ZSWIM9: variants seen among roughly 807,000 people sequenced by gnomAD.
ZSWIM9 encodes zinc finger SWIM-type containing 9.
ZSWIM9 carries 11 observed loss-of-function variants against 25.0 expected under a neutral mutation model. That is an observed-to-expected ratio of 0.44 (90% CI 0.28 to 0.73). The LOEUF (loss-of-function observed/expected upper bound fraction) is 0.73. Ranked by LOEUF, ZSWIM9 falls within the 30% of genes least tolerant of loss-of-function variation. ZSWIM9 has a pLI of 0.16. For synonymous variants in ZSWIM9, 562 were observed against 582.1 expected, an observed-to-expected ratio of 0.97 and a Z score of 0.50; for missense variants, 1,070 against 1,296.5, an observed-to-expected ratio of 0.83 and a Z score of 2.68.
rs77993728 is a variant in ZSWIM9 at position 48,194,553 on chromosome 19, G to C, written c.589-100G>C. 2.8e-6 allele frequency: 1 copy of C among 357,644 alleles called. No individual in the cohort carries two copies. The highest frequency in any genetic ancestry group is 3.7e-6 in the Non-Finnish European group (1 of 268,896). 22.2% of individuals were successfully genotyped at this position (357,644 alleles called of 1,614,324 possible). On this transcript the variant is annotated intron_variant, in intron 3 of 3. Coordinates refer to ENST00000614654, the MANE Select transcript of ZSWIM9 (RefSeq NM_199341.4). This position sits in a 1 kb window ranked among gnomAD's most constrained non-coding sequence, Gnocchi z 6.0. ...ATATGCAGGCAAGAATGAATGGGTG[G>C]TCCCATTTCCGTAGAAGGGGAAACC...
intron 3 of ZSWIM9, chr19:48,191,924 A>C (rs1211500673): frequency 6.5e-6 from 1 of 154,794 alleles, no homozygotes; most frequent in Non-Finnish European, 1.5e-5. Context: ...CTGGTATTGC[A>C]AATCGCATGG....
intron 2 of ZSWIM9, 46 bp downstream of exon 2, chr19:48,172,123 CGGGGGT>C: frequency 1.3e-5 from 5 of 374,594 alleles, no homozygotes; most frequent in Non-Finnish European, 1.8e-5. Flanking sequence ...AGGGGAGCAC[CGGGGGT>C]GGGTGTGGGT....
Position 48,196,950 on chromosome 19 carries a change from C to G in ZSWIM9, c.*123C>G, listed in dbSNP as rs1362116446. 1 of 1,005,178 alleles carries G rather than the reference C, an allele frequency of 9.9e-7. No individual in the cohort carries two copies. Among genetic ancestry groups the G allele is most frequent in the Non-Finnish European group, 1.3e-6 (1 of 760,812 alleles). 62.3% of individuals were successfully genotyped at this position (1,005,178 alleles called of 1,614,324 possible). ...TCCCCCTGGCCACCTTCTGGGTCAT[C>G]CAGGGACCTCCTCATGGCAGTTTGC... On this transcript the variant is annotated 3_prime_UTR_variant, in exon 4 of 4. Transcript: ENST00000614654.
chr19:48,172,138 G>T, intron 2 of ZSWIM9, 61 bp downstream of exon 2: 8 of 1,234,106 alleles, frequency 6.5e-6, no homozygotes, highest in South Asian at 1.5e-5. Context: ...GTGGGTGTGG[G>T]TGGGAGACGG....
chr19:48,177,673 G>A (rs555181288), intron 2 of ZSWIM9, among the ~76,000 whole-genome samples: 9 of 152,256 alleles, frequency 5.9e-5, no homozygotes, highest in Non-Finnish European at 5.9e-5. Context: ...GGCTGTCCTA[G>A]GGCCTGAAAC....
chr19:48,187,175 C>A, intron 3 of ZSWIM9, among the ~76,000 whole-genome samples: 2 of 146,994 alleles, frequency 1.4e-5, no homozygotes, highest in African/African-American at 5.0e-5. Flanking sequence ...AAAGTTCTGT[C>A]CCTATCATAT....
In ZSWIM9 at chr19:48,171,898, C is replaced by T. The variant is rs1599917654; in HGVS notation, c.96C>T (p.Arg32=). Residue 32 remains arginine, a synonymous_variant, in exon 2 of 4, where the codon CGC becomes CGT. Transcript: ENST00000614654. ...TCTTCTCGTGGGCCGAGTTCAGCCG[C>T]TTCTTCGACGCGTGGTGCCAGCAGC... ...RAFFSWAEFS[R]FFDAWCQQRL... 6.5e-7 allele frequency: 1 copy of T among 1,535,832 alleles called. No homozygotes were observed. Among genetic ancestry groups the T allele is most frequent in the South Asian group, 1.2e-5 (1 of 84,056 alleles).
intron 3 of ZSWIM9, among the ~76,000 whole-genome samples, chr19:48,185,999 G>T (rs1249249038): frequency 1.3e-5 from 2 of 152,206 alleles, no homozygotes; most frequent in Non-Finnish European, 2.9e-5. Flanking sequence ...AAAATAAAAA[G>T]AAAGAAAATG....
At chr19:48,177,252 G>A (rs1222860328) in intron 2 of ZSWIM9, among the ~76,000 whole-genome samples, 2 of 152,046 alleles carry the variant, frequency 1.3e-5, no homozygotes, top group Non-Finnish European at 1.5e-5. Context: ...AAGAACTTAC[G>A]ATAGGTTGTG....
At position 48,171,930 on chromosome 19, in the gene ZSWIM9, C is replaced by T; in HGVS notation, c.128C>T (p.Ala43Val). Residue 43 changes from alanine to valine, a missense_variant, in exon 2 of 4, where the codon GCG (alanine) becomes GTG (valine). Physicochemically the swap from Ala to Val is moderately conservative, Grantham distance 64. Transcript: ENST00000614654. The stretch of plus-strand genomic sequence containing the variant: ...GACGCGTGGTGCCAGCAGCGGCTGG[C>T]GCTCTTCTTCGTCAAGAGCTCCATG... ...FFDAWCQQRL[A>V]LFFVKSSMHL... 6.5e-7 allele frequency: 1 copy of T among 1,534,222 alleles called. No homozygotes were observed. The highest frequency in any genetic ancestry group is 8.7e-7 in the Non-Finnish European group (1 of 1,146,412).
chr19:48,196,275 G>A lies in ZSWIM9; in HGVS notation c.2211G>A (p.Arg737=). Reference sequence around the variant, plus strand: ...AGAATGGAGATGGAGGGGGAGCCCGGTCCGTGGGCCCCAAGAGCCGAGCCG... The same window carrying A: ...AGAATGGAGATGGAGGGGGAGCCCGATCCGTGGGCCCCAAGAGCCGAGCCG... ...GMENGDGGGA[R]SVGPKSRAGR... Residue 737 remains arginine, a synonymous_variant, in exon 4 of 4, where the codon CGG becomes CGA. Coordinates refer to ENST00000614654, the MANE Select transcript of ZSWIM9 (RefSeq NM_199341.4). 8.1e-7 allele frequency: 1 copy of A among 1,233,550 alleles called. No homozygotes were observed. 76.4% of individuals were successfully genotyped at this position (1,233,550 alleles called of 1,614,324 possible). A position where few individuals can be genotyped will look rare whatever the true frequency, so the allele number is the denominator to read the frequency against.
chr19:48,195,191 ACTT>A lies in ZSWIM9; in HGVS notation c.1129_1131del (p.Phe377del). On this transcript the variant is annotated inframe_deletion, in exon 4 of 4. Transcript: ENST00000614654. The surrounding 1 kb of genome is among the most constrained non-coding windows in gnomAD (Gnocchi z 5.8). Reference sequence around the variant, plus strand: ...CACGGCCCAGCCGCCTTCGTGGACTACTTCGAGCGCAACTGGGAGCCCCGCCGC... The same window carrying A: ...CACGGCCCAGCCGCCTTCGTGGACTACGAGCGCAACTGGGAGCCCCGCCGC... 6.6e-7 allele frequency: 1 copy of A among 1,524,978 alleles called. No homozygotes were observed. The highest frequency in any genetic ancestry group is 2.5e-5 in the East Asian group (1 of 39,850). The allele number at this position is 1,524,978 out of a possible 1,614,324, so 94.5% of individuals were successfully genotyped here.
At chr19:48,192,480 A>ATGTATGT (rs1440169034) in intron 3 of ZSWIM9, among the ~76,000 whole-genome samples, 1 of 17,390 alleles carries the variant, frequency 5.8e-5, no homozygotes, top group African/African-American at 1.7e-4. Flanking sequence ...AAAAAAAAAA[A>ATGTATGT]ATATATATAT....
At chr19:48,185,606 A>G (rs1454675603) in intron 3 of ZSWIM9, among the ~76,000 whole-genome samples, 1 of 152,248 alleles carries the variant, frequency 6.6e-6, no homozygotes, top group Non-Finnish European at 1.5e-5. Flanking sequence ...CCTCCCCTGC[A>G]GAGTTATTAG....
intron 3 of ZSWIM9, among the ~76,000 whole-genome samples, chr19:48,190,153 G>A (rs1212207311): frequency 2.0e-5 from 3 of 150,630 alleles, no homozygotes; most frequent in Non-Finnish European, 3.0e-5. Context: ...GCAGTGAGCC[G>A]AGATCATGCC....
intron 3 of ZSWIM9, chr19:48,191,916 G>C (rs975869719): frequency 6.5e-6 from 1 of 154,756 alleles, no homozygotes; most frequent in Non-Finnish European, 1.5e-5. Context: ...CAGCTCACCT[G>C]GTATTGCAAA....
intron 2 of ZSWIM9, among the ~76,000 whole-genome samples, chr19:48,175,338 C>T (rs980027945): frequency 1.3e-5 from 2 of 151,894 alleles, no homozygotes; most frequent in African/African-American, 2.4e-5. Flanking sequence ...GTTGATGAGC[C>T]GGTTCAGGAA....
At chr19:48,187,430 T>C (rs1489431492) in intron 3 of ZSWIM9, among the ~76,000 whole-genome samples, 1 of 103,492 alleles carries the variant, frequency 9.7e-6, no homozygotes, top group African/African-American at 3.8e-5. Context: ...TATATTATAT[T>C]ATATTATATA....
At chr19:48,186,313 T>A (rs977041031) in intron 3 of ZSWIM9, among the ~76,000 whole-genome samples, 1 of 151,204 alleles carries the variant, frequency 6.6e-6, no homozygotes, top group African/African-American at 2.4e-5. Context: ...GTTTGTTTGT[T>A]CTTTGAGACA....
Sources: gnomAD v4.1 joint callset for allele counts (sites outside exome capture counted in the v4.1 genomes callset) on GRCh38, gnomAD v4.1.1 for gene constraint, Gnocchi (gnomAD v3.1) non-coding constraint, MANE v1.5 for transcripts, NCBI Gene and HGNC (gene_info 2026-07-23, HGNC 2026-07-21) for gene names.